The following MCTP1 variants were observed in gnomAD, a reference collection of about 807,000 sequenced individuals.
MCTP1 encodes the protein multiple C2 and transmembrane domain containing 1.
Under a neutral mutation model 120.6 loss-of-function variants are expected in MCTP1, and 69 were observed. The observed-to-expected ratio is 0.57, with a 90% confidence interval of 0.47 to 0.70. The LOEUF (loss-of-function observed/expected upper bound fraction) is 0.70, where lower values mean the gene tolerates loss of function less well. Ranked by LOEUF, MCTP1 falls within the 30% of genes least tolerant of loss-of-function variation. The probability of loss-of-function intolerance (pLI) is 0.00; values close to 1 mark genes in which losing one functional copy is unlikely to be tolerated. For missense variants in MCTP1, 1,203 were observed against 1,248.8 expected (o/e 0.96, Z 0.55); for synonymous variants, 529 against 493.1 (o/e 1.07, Z -0.96).
intron 16 of MCTP1, among the ~76,000 whole-genome samples, chr5:94,868,870 A>G (rs1023427136): frequency 6.6e-6 from 1 of 151,968 alleles, no homozygotes; most frequent in African/African-American, 2.4e-5. Flanking sequence ...GGTCTTATAG[A>G]AAAACCTATC....
At chr5:94,826,693 A>T in intron 17 of MCTP1, 1 of 534,170 alleles carries the variant, frequency 1.9e-6, no homozygotes, top group Non-Finnish European at 3.3e-6. Flanking sequence ...TACACACTCC[A>T]TGGTTCCAGC....
intron 2 of MCTP1, among the ~76,000 whole-genome samples, chr5:94,969,510 G>A (rs770549240): frequency 2.0e-5 from 3 of 152,042 alleles, no homozygotes; most frequent in Admixed American, 6.6e-5. Flanking sequence ...AGCTACTCAC[G>A]TTTTGGGAAA....
chr5:95,217,935 C>T (rs1007592976), intron 1 of MCTP1, among the ~76,000 whole-genome samples: 1 of 151,960 alleles, frequency 6.6e-6, no homozygotes, highest in Non-Finnish European at 1.5e-5. Context: ...ATTAGATATA[C>T]CCCCCTGCCT....
rs183061923 is a variant in MCTP1 at position 95,201,988 on chromosome 5, C to T, written c.720+81868G>A. Among the ~76,000 whole-genome samples, 121 of 152,208 alleles carry T rather than the reference C, an allele frequency of 7.9e-4. 1 individual carries two copies. The highest frequency in any genetic ancestry group is 6.8e-3 in the Middle Eastern group (2 of 294). On this transcript the variant is annotated intron_variant, in intron 1 of 22. Coordinates refer to ENST00000515393, the MANE Select transcript of MCTP1 (RefSeq NM_024717.7). ...CAAACATTTCTGTGATAATTAATTT[C>T]AGATGTCTACTTGACTGGATTTAAC...
chr5:94,820,252 C>T (rs574118734), intron 17 of MCTP1, among the ~76,000 whole-genome samples: 33 of 152,230 alleles, frequency 2.2e-4, no homozygotes, highest in African/African-American at 7.5e-4. Flanking sequence ...TTCTAAAACC[C>T]AAATGATTAT....
In MCTP1 at chr5:94,917,950, A is replaced by G. The variant is rs183213271; in HGVS notation, c.1296T>C (p.Pro432=). 7 of 1,614,038 alleles carry G rather than the reference A, an allele frequency of 4.3e-6. No individual in the cohort carries two copies. Among genetic ancestry groups the G allele is most frequent in the African/African-American group, 4.0e-5 (3 of 75,058 alleles). The change falls in exon 8 of 23, where the codon CCT becomes CCC. Residue 432 remains proline, a synonymous_variant. Coordinates refer to ENST00000515393, the MANE Select transcript of MCTP1 (RefSeq NM_024717.7). ...FWRTCGRPAL[P]VLGFCRAELQ... The stretch of plus-strand genomic sequence containing the variant: ...GCTCTGCTCTGCAGAAGCCCAGGAC[A>G]GGAAGAGCTGGCCTGCCGCACGTCT...
At chr5:95,014,244 T>A (rs1205380814) in intron 2 of MCTP1, among the ~76,000 whole-genome samples, 1 of 138,976 alleles carries the variant, frequency 7.2e-6, no homozygotes, top group African/African-American at 2.6e-5. Context: ...GGCAACAGAG[T>A]AATACCATGT....
intron 1 of MCTP1, among the ~76,000 whole-genome samples, chr5:95,217,910 C>T (rs1287851142): frequency 6.6e-6 from 1 of 152,118 alleles, no homozygotes; most frequent in Non-Finnish European, 1.5e-5. Flanking sequence ...TAATCATGAT[C>T]CTGGACCTCT....
At chr5:94,759,903 G>C (rs956589878) in intron 19 of MCTP1, among the ~76,000 whole-genome samples, 1 of 78,894 alleles carries the variant, frequency 1.3e-5, no homozygotes, top group Non-Finnish European at 2.2e-5. Flanking sequence ...TTTTCAAAGA[G>C]AAAAAAAAAA....
intron 19 of MCTP1, among the ~76,000 whole-genome samples, chr5:94,756,408 G>A (rs544587331): frequency 2.0e-5 from 3 of 152,324 alleles, no homozygotes; most frequent in African/African-American, 4.8e-5. Context: ...TTAGGTGGTG[G>A]TTATGGGAAT....
chr5:94,865,282 GT>G (rs1460434333), intron 17 of MCTP1, among the ~76,000 whole-genome samples: 1 of 151,588 alleles, frequency 6.6e-6, no homozygotes, highest in Non-Finnish European at 1.5e-5. Context: ...AAAAAAGATT[GT>G]TTTTTACTTT....
intron 1 of MCTP1, among the ~76,000 whole-genome samples, chr5:95,259,664 C>A (rs1299425690): frequency 6.6e-6 from 1 of 152,138 alleles, no homozygotes; most frequent in Non-Finnish European, 1.5e-5. Flanking sequence ...TACCTGCCCC[C>A]ACATTGGATG....
At chr5:95,250,399 C>T (rs965589078) in intron 1 of MCTP1, among the ~76,000 whole-genome samples, 3 of 152,064 alleles carry the variant, frequency 2.0e-5, no homozygotes, top group Non-Finnish European at 2.9e-5. Context: ...CCAGGAACTT[C>T]GTGTTGTGTG....
intron 1 of MCTP1, among the ~76,000 whole-genome samples, chr5:95,119,899 G>A (rs140523400): frequency 1.9e-3 from 288 of 152,190 alleles, no homozygotes; most frequent in African/African-American, 6.4e-3. Flanking sequence ...GCAGCCGGGC[G>A]CGGTGGCTCA....
At chr5:94,789,094 C>T (rs1778353997) in intron 18 of MCTP1, 1 of 152,212 alleles carries the variant, frequency 6.6e-6, no homozygotes, top group South Asian at 2.1e-4. Flanking sequence ...CTGCCAAAAA[C>T]AATTCATTTG....
Position 95,284,041 on chromosome 5 carries a change from C to T in MCTP1, c.535G>A (p.Ala179Thr). ...SPQPPPRGDRARDEGARRQGP... is the reference protein window; with the variant it reads ...SPQPPPRGDRTRDEGARRQGP... ...TGACGCCGTGCACCCTCATCTCGGG[C>T]GCGGTCCCCCCTCGGGGGAGGCTGG... is the stretch of plus-strand genomic sequence containing the variant. The change falls in exon 1 of 23, where the codon GCC becomes ACC. Residue 179 changes from alanine to threonine, a missense_variant. Ala to Thr is a moderately conservative substitution (Grantham distance 58, BLOSUM62 0). This residue lies in a region of MCTP1 where 463 missense variants were observed against 377.8 expected (regional missense o/e 1.23). Transcript: ENST00000515393. This position sits in a 1 kb window ranked among gnomAD's most constrained non-coding sequence, Gnocchi z 5.2. 6.6e-7 allele frequency: 1 copy of T among 1,519,424 alleles called. No individual in the cohort carries two copies. The highest frequency in any genetic ancestry group is 8.8e-7 in the Non-Finnish European group (1 of 1,135,314). The allele number at this position is 1,519,424 out of a possible 1,614,324, so 94.1% of individuals were successfully genotyped here. A position where few individuals can be genotyped will look rare whatever the true frequency, so the allele number is the denominator to read the frequency against.
At chr5:95,053,038 A>T (rs951569859) in intron 1 of MCTP1, among the ~76,000 whole-genome samples, 1 of 152,240 alleles carries the variant, frequency 6.6e-6, no homozygotes, top group Non-Finnish European at 1.5e-5. Flanking sequence ...CAATACTAAA[A>T]TAAGTCTGTT....
rs563163398 is a variant in MCTP1, at chr5:94,781,218, T to G, written c.2557-2055A>C. ...GAGATGAATACTATACTTTTACTCC[T>G]GTGAATAAAGTCATTATTGTAGCTA... On this transcript the variant is annotated intron_variant, in intron 18 of 22. Coordinates refer to ENST00000515393, the MANE Select transcript of MCTP1 (RefSeq NM_024717.7). 2.6e-5 allele frequency among the ~76,000 whole-genome samples: 4 copies of G among 152,190 alleles called. No homozygotes were observed. The South Asian group carries it at 8.3e-4, about 32-fold the overall frequency.
intron 6 of MCTP1, among the ~76,000 whole-genome samples, chr5:94,925,359 G>A (rs908972883): frequency 1.3e-5 from 2 of 152,046 alleles, no homozygotes; most frequent in African/African-American, 4.8e-5. Context: ...ATTTAGTTAC[G>A]CTTCAGTCTT....
Sources: gnomAD v4.1 joint callset for allele counts (sites outside exome capture counted in the v4.1 genomes callset) on GRCh38, gnomAD v4.1.1 for gene constraint, gnomAD v4.1.1 regional missense constraint, Gnocchi (gnomAD v3.1) non-coding constraint, MANE v1.5 for transcripts, NCBI Gene and HGNC (gene_info 2026-07-23, HGNC 2026-07-21) for gene names.